The following ZHX3 variants were observed in gnomAD, a reference collection of about 807,000 sequenced individuals.
ZHX3 encodes zinc fingers and homeoboxes protein 3.
A neutral mutation model predicts 64.5 loss-of-function variants in ZHX3; 20 were observed. The ratio of observed to expected loss-of-function variants is 0.31; its 90% confidence interval spans 0.22 to 0.45. The LOEUF is 0.45. Among genes scored for constraint, ZHX3 ranks in the 20% least tolerant of loss-of-function variants. The probability of loss-of-function intolerance (pLI) is 1.00; values close to 1 mark genes in which losing one functional copy is unlikely to be tolerated. For missense variants in ZHX3, 1,041 were observed against 1,195.8 expected (o/e 0.87, Z 1.91); for synonymous variants, 423 against 461.6 (o/e 0.92, Z 1.07).
chr20:41,301,985 C>T (rs1417871241), intron 1 of ZHX3, among the ~76,000 whole-genome samples: 2 of 134,462 alleles, frequency 1.5e-5, no homozygotes, highest in Non-Finnish European at 3.1e-5. Flanking sequence ...ACCCGGGAGG[C>T]GGAGCTTGCA....
At chr20:41,289,866 G>A (rs1178340170) in intron 1 of ZHX3, among the ~76,000 whole-genome samples, 2 of 151,822 alleles carry the variant, frequency 1.3e-5, no homozygotes, top group African/African-American at 4.8e-5. Flanking sequence ...TGAAAACATG[G>A]AAATAACTAA....
intron 3 of ZHX3, among the ~76,000 whole-genome samples, chr20:41,194,331 G>T (rs1600720528): frequency 6.6e-6 from 1 of 152,012 alleles, no homozygotes; most frequent in Non-Finnish European, 1.5e-5. Flanking sequence ...CTTGAATTAG[G>T]ATGATGTGTT....
At position 41,232,762 on chromosome 20, in the gene ZHX3, T is replaced by C. The variant is rs567046843; in HGVS notation, c.-150-27696A>G. Among the ~76,000 whole-genome samples the C allele has an allele frequency of 5.8e-4, 88 of 151,996 alleles. No individual in the cohort carries two copies. The highest frequency in any genetic ancestry group is 8.8e-4 in the Non-Finnish European group (60 of 67,944). On this transcript the variant is annotated intron_variant, in intron 2 of 3. Transcript: ENST00000683867. This position sits in a 1 kb window ranked among gnomAD's most constrained non-coding sequence, Gnocchi z 5.0. ...CACCTCGCCCGGCTAATTTTTTGTA[T>C]TTTTAGTAGAGACGGGGTTTCACCG... is the stretch of plus-strand genomic sequence containing the variant.
rs562598710 is a variant in ZHX3 at position 41,303,780 on chromosome 20, G to A, written c.-245+13729C>T. Among the ~76,000 whole-genome samples the A allele has an allele frequency of 1.1e-4, 16 of 152,166 alleles. No individual in the cohort carries two copies. In the East Asian group the frequency reaches 2.9e-3, roughly 28 times the overall value. On this transcript the variant is annotated intron_variant, in intron 1 of 3. Coordinates refer to ENST00000683867, the MANE Select transcript of ZHX3 (RefSeq NM_001384317.1). ...CTGGCTCCTCCTTTCCTCGGCCTCTGAACATGCTAGAGCCCCTCTCATCCT... is the reference window on the plus strand; with the variant it reads ...CTGGCTCCTCCTTTCCTCGGCCTCTAAACATGCTAGAGCCCCTCTCATCCT...
At chr20:41,189,372 A>G (rs1490377147) in intron 3 of ZHX3, among the ~76,000 whole-genome samples, 1 of 152,102 alleles carries the variant, frequency 6.6e-6, no homozygotes, top group Non-Finnish European at 1.5e-5. Context: ...TACTCCTGTG[A>G]AAAAATCACA....
intron 2 of ZHX3, among the ~76,000 whole-genome samples, chr20:41,238,987 T>TCC (rs1239973160): frequency 1.4e-5 from 2 of 142,072 alleles, no homozygotes; most frequent in Non-Finnish European, 3.0e-5. Context: ...GCCTATTTTC[T>TCC]CTCTCTTTTT....
chr20:41,289,074 C>G (rs1439262633), intron 1 of ZHX3, among the ~76,000 whole-genome samples: 1 of 152,142 alleles, frequency 6.6e-6, no homozygotes, highest in Non-Finnish European at 1.5e-5. Flanking sequence ...CCACGGCAAC[C>G]TCAACCTCTT....
At chr20:41,199,123 A>C (rs2038010021) in intron 3 of ZHX3, among the ~76,000 whole-genome samples, 1 of 151,986 alleles carries the variant, frequency 6.6e-6, no homozygotes, top group South Asian at 2.1e-4. Context: ...TTGTTCATGC[A>C]TGGTTTTCCT....
intron 1 of ZHX3, among the ~76,000 whole-genome samples, chr20:41,274,277 G>A (rs905202985): frequency 2.0e-5 from 3 of 152,208 alleles, no homozygotes; most frequent in East Asian, 1.9e-4. Context: ...AGAGATGCAC[G>A]AAGCTTATTT....
chr20:41,284,513 C>T (rs984499203), intron 1 of ZHX3, among the ~76,000 whole-genome samples: 3 of 152,186 alleles, frequency 2.0e-5, no homozygotes, highest in Admixed American at 2.0e-4. Context: ...AACCCCTCAC[C>T]TTTCACCAGT....
At chr20:41,294,990 T>C (rs542651613) in intron 1 of ZHX3, among the ~76,000 whole-genome samples, 11 of 152,336 alleles carry the variant, frequency 7.2e-5, no homozygotes, top group Admixed American at 6.5e-4. Context: ...CATGAGCCCC[T>C]GCGCCCAGCC....
rs1303334487 is a variant in ZHX3, at chr20:41,195,703, A to T, written c.2860+6354T>A. Among the ~76,000 whole-genome samples the T allele has an allele frequency of 1.3e-5, 2 of 152,250 alleles. No individual in the cohort carries two copies. Among genetic ancestry groups the T allele is most frequent in the African/African-American group, 4.8e-5 (2 of 41,466 alleles). The stretch of plus-strand genomic sequence containing the variant: ...AGTGTGGGGATTACAGGCATAAGCC[A>T]CTGCGCCCAGCGTAAGTTCTCTTTT... On this transcript the variant is annotated intron_variant, in intron 3 of 3. Transcript: ENST00000683867. The surrounding 1 kb of genome is among the most constrained non-coding windows in gnomAD (Gnocchi z 4.2).
intron 1 of ZHX3, among the ~76,000 whole-genome samples, chr20:41,294,428 C>A (rs2044400391): frequency 6.6e-6 from 1 of 152,160 alleles, no homozygotes; most frequent in Non-Finnish European, 1.5e-5. Flanking sequence ...GCGATATGAT[C>A]TCGGCTAACT....
At chr20:41,304,185 C>T (rs1041401665) in intron 1 of ZHX3, among the ~76,000 whole-genome samples, 5 of 152,188 alleles carry the variant, frequency 3.3e-5, no homozygotes, top group African/African-American at 4.8e-5. Context: ...TGCCTCCTCA[C>T]TAAATGTTGG....
In ZHX3 at chr20:41,201,314, T is replaced by G. The variant is rs1258328053; in HGVS notation, c.2860+743A>C. ...AGCTTCTGGCTGCCCTCTGATGGGG[T>G]CTCTAATGAGAACACAAATGTCAAA... is the stretch of plus-strand genomic sequence containing the variant. On this transcript the variant is annotated intron_variant, in intron 3 of 3. Transcript: ENST00000683867. The surrounding 1 kb of genome is among the most constrained non-coding windows in gnomAD (Gnocchi z 5.0). 2 of 1,304,218 alleles carry G rather than the reference T, an allele frequency of 1.5e-6. No individual in the cohort carries two copies. The highest frequency in any genetic ancestry group is 3.0e-5 in the African/African-American group (2 of 65,780). The allele number at this position is 1,304,218 out of a possible 1,614,324, so 80.8% of individuals were successfully genotyped here.
intron 2 of ZHX3, among the ~76,000 whole-genome samples, chr20:41,261,128 TC>T (rs2146565286): frequency 6.6e-6 from 1 of 151,534 alleles, no homozygotes; most frequent in African/African-American, 2.4e-5. Context: ...GCAAAGAGGA[TC>T]CCTGGGACAT....
chr20:41,254,938 G>A (rs907055003), intron 2 of ZHX3, among the ~76,000 whole-genome samples: 2 of 152,032 alleles, frequency 1.3e-5, no homozygotes, highest in African/African-American at 2.4e-5. Context: ...ATGGGCAGGC[G>A]ATACCCGAGG....
chr20:41,188,830 C>A (rs2146121802), intron 3 of ZHX3, among the ~76,000 whole-genome samples: 1 of 152,222 alleles, frequency 6.6e-6, no homozygotes, highest in East Asian at 1.9e-4. Flanking sequence ...TGATTATTTC[C>A]TTTGCTATGC....
chr20:41,244,144 A>G (rs1173662315), intron 2 of ZHX3, among the ~76,000 whole-genome samples: 1 of 152,120 alleles, frequency 6.6e-6, no homozygotes, highest in Non-Finnish European at 1.5e-5. Flanking sequence ...CCAGGTCATG[A>G]CAACCAAAAA....
Sources: gnomAD v4.1 joint callset for allele counts (sites outside exome capture counted in the v4.1 genomes callset) on GRCh38, gnomAD v4.1.1 for gene constraint, Gnocchi (gnomAD v3.1) non-coding constraint, MANE v1.5 for transcripts, NCBI Gene and HGNC (gene_info 2026-07-23, HGNC 2026-07-21) for gene names.